TOX: variants seen among roughly 807,000 people sequenced by gnomAD.
TOX encodes thymocyte selection associated high mobility group box, also known as thymocyte selection-associated high mobility group box protein TOX.
A neutral mutation model predicts 53.7 loss-of-function variants in TOX; 11 were observed. The observed-to-expected ratio is 0.20, with a 90% CI of 0.13 to 0.34. TOX has a LOEUF of 0.34. TOX is among the 10% of genes least tolerant of loss of function. The pLI is 1.00. For synonymous variants in TOX, 225 were observed against 245.3 expected (o/e 0.92, Z 0.77); for missense variants, 570 against 664.6 (o/e 0.86, Z 1.56).
intron 3 of TOX, among the ~76,000 whole-genome samples, chr8:58,918,809 T>C (rs562030755): frequency 4.5e-5 from 6 of 133,580 alleles, no homozygotes; most frequent in South Asian, 5.4e-4. Context: ...GAAAACCCCA[T>C]TGTCTCAGCC....
chr8:59,113,111 T>C (rs1215632237), intron 1 of TOX, among the ~76,000 whole-genome samples: 1 of 152,206 alleles, frequency 6.6e-6, no homozygotes, highest in African/African-American at 2.4e-5. Context: ...CTGATGAGAA[T>C]ACATCCACAT....
At chr8:58,914,698 G>A (rs1811972023) in intron 3 of TOX, among the ~76,000 whole-genome samples, 1 of 152,192 alleles carries the variant, frequency 6.6e-6, no homozygotes, top group Non-Finnish European at 1.5e-5. Flanking sequence ...CTGGGGAGGA[G>A]CCAAGATGGC....
At chr8:58,931,067 T>C (rs775643738) in intron 3 of TOX, among the ~76,000 whole-genome samples, 3 of 152,204 alleles carry the variant, frequency 2.0e-5, no homozygotes, top group African/African-American at 4.8e-5. Context: ...GATGTTTGCC[T>C]TTAGGACATG....
intron 1 of TOX, among the ~76,000 whole-genome samples, chr8:59,112,252 C>G (rs576636149): frequency 1.3e-5 from 2 of 152,124 alleles, no homozygotes; most frequent in East Asian, 3.8e-4. Flanking sequence ...CATGTTATAA[C>G]CAGGAAAAGC....
intron 3 of TOX, among the ~76,000 whole-genome samples, chr8:58,852,241 A>C (rs531633961): frequency 2.0e-5 from 3 of 152,306 alleles, no homozygotes; most frequent in South Asian, 2.1e-4. Flanking sequence ...AAAATTCATT[A>C]AACCCTGTTT....
At chr8:59,098,881 T>C (rs938100159) in intron 1 of TOX, among the ~76,000 whole-genome samples, 4 of 151,998 alleles carry the variant, frequency 2.6e-5, no homozygotes, top group African/African-American at 4.8e-5. Flanking sequence ...GCTACTTTAA[T>C]ATGCTCCAGT....
chr8:58,955,329 T>C (rs886657067), intron 2 of TOX, among the ~76,000 whole-genome samples: 6 of 151,592 alleles, frequency 4.0e-5, no homozygotes, highest in African/African-American at 1.5e-4. Flanking sequence ...CAACAAAAAA[T>C]AGTTCAAGCT....
At position 58,838,019 on chromosome 8, in the gene TOX, C is replaced by G. The variant is rs1585852688; in HGVS notation, c.924+62G>C. On this transcript the variant is annotated intron_variant, in intron 5 of 8. Transcript: ENST00000361421. Reference sequence around the variant, plus strand: ...GAATTTACCCCAAGCCCTGGGAGGCCATTTCTTCAGACTGCACAATCTCAG... The same window carrying G: ...GAATTTACCCCAAGCCCTGGGAGGCGATTTCTTCAGACTGCACAATCTCAG... 8.0e-6 allele frequency: 12 copies of G among 1,507,096 alleles called. No homozygotes were observed. The East Asian group carries it at 2.7e-4, about 34-fold the overall frequency. 93.4% of individuals were successfully genotyped at this position (1,507,096 alleles called of 1,614,324 possible).
chr8:58,861,875 C>G (rs1205150029), intron 3 of TOX, among the ~76,000 whole-genome samples: 1 of 152,126 alleles, frequency 6.6e-6, no homozygotes, highest in East Asian at 1.9e-4. Flanking sequence ...CAGTTCAGAA[C>G]ATTGATATTT....
chr8:58,885,346 G>A (rs1811448418), intron 3 of TOX, among the ~76,000 whole-genome samples: 1 of 151,884 alleles, frequency 6.6e-6, no homozygotes, highest in Non-Finnish European at 1.5e-5. Flanking sequence ...AGTCAGATTG[G>A]AACCTATTGC....
At chr8:59,006,874 G>C (rs1813799195) in intron 1 of TOX, among the ~76,000 whole-genome samples, 1 of 152,090 alleles carries the variant, frequency 6.6e-6, no homozygotes, top group South Asian at 2.1e-4. Context: ...TTTGATGTAG[G>C]TCTCTTCTAA....
At chr8:58,883,108 A>G (rs1811410016) in intron 3 of TOX, among the ~76,000 whole-genome samples, 1 of 152,150 alleles carries the variant, frequency 6.6e-6, no homozygotes, top group South Asian at 2.1e-4. Context: ...CAGCAGTGTC[A>G]TTAGACATCT....
At chr8:58,822,490 G>A (rs1318850081) in intron 6 of TOX, among the ~76,000 whole-genome samples, 1 of 152,192 alleles carries the variant, frequency 6.6e-6, no homozygotes, top group East Asian at 1.9e-4. Context: ...TGTACAGCAG[G>A]AGTGACCAGA....
chr8:58,938,962 A>C (rs1207513335), intron 3 of TOX, among the ~76,000 whole-genome samples: 1 of 152,150 alleles, frequency 6.6e-6, no homozygotes, highest in African/African-American at 2.4e-5. Flanking sequence ...TTGGGGAGGA[A>C]TCCTCCACTG....
intron 3 of TOX, among the ~76,000 whole-genome samples, chr8:58,873,113 G>A (rs945638096): frequency 3.3e-5 from 5 of 152,072 alleles, no homozygotes; most frequent in African/African-American, 1.2e-4. Flanking sequence ...CCCAAATAAT[G>A]TTCTTGCTCA....
At chr8:58,890,317 C>G (rs143669005) in intron 3 of TOX, among the ~76,000 whole-genome samples, 1 of 152,222 alleles carries the variant, frequency 6.6e-6, no homozygotes, top group African/African-American at 2.4e-5. Flanking sequence ...ATACACGTTA[C>G]AAGAGCACAC....
At chr8:58,951,638 G>C (rs1054779051) in intron 2 of TOX, among the ~76,000 whole-genome samples, 3 of 152,166 alleles carry the variant, frequency 2.0e-5, no homozygotes, top group Admixed American at 6.6e-5. Flanking sequence ...ACAAACAGTA[G>C]GCTTAGCTCT....
rs1039522742 is a variant in TOX, at chr8:59,029,175, A to C, written c.103-69167T>G. ...CTTCAGTCTATTTCTTTTCCTATAC[A>C]CTCTCATTTATTCATTTTTAGTTAG... On this transcript the variant is annotated intron_variant, in intron 1 of 8. Transcript: ENST00000361421. Among the ~76,000 whole-genome samples, 4 of 151,914 alleles carry C rather than the reference A, an allele frequency of 2.6e-5. No homozygotes were observed. The South Asian group carries it at 8.3e-4, about 32-fold the overall frequency.
chr8:59,116,523 A>C (rs1002138559), intron 1 of TOX, among the ~76,000 whole-genome samples: 14 of 152,210 alleles, frequency 9.2e-5, no homozygotes, highest in African/African-American at 3.1e-4. Context: ...TACCAATGCT[A>C]ATCATGGTGG....
Sources: gnomAD v4.1 joint callset for allele counts (sites outside exome capture counted in the v4.1 genomes callset) on GRCh38, gnomAD v4.1.1 for gene constraint, MANE v1.5 for transcripts, NCBI Gene and HGNC (gene_info 2026-07-23, HGNC 2026-07-21) for gene names.